Variants in KHDRBS2 observed in about 807,000 individuals in gnomAD.
The protein encoded by KHDRBS2 is KH domain-containing, RNA-binding, signal transduction-associated protein 2.
A neutral mutation model predicts 44.3 loss-of-function variants in KHDRBS2; 26 were observed. The ratio of observed to expected loss-of-function variants is 0.59; its 90% confidence interval spans 0.43 to 0.81. KHDRBS2 has a LOEUF of 0.81. Ranked by LOEUF, KHDRBS2 falls within the 40% of genes least tolerant of loss-of-function variation. KHDRBS2 has a pLI of 0.00. For missense variants in KHDRBS2, 476 were observed against 433.1 expected, an observed-to-expected ratio of 1.10 and a Z score of -0.88; for synonymous variants, 194 against 151.1, an observed-to-expected ratio of 1.28 and a Z score of -2.08.
chr6:61,688,473 G>C (rs1767048700), intron 8 of KHDRBS2, among the ~76,000 whole-genome samples: 1 of 151,850 alleles, frequency 6.6e-6, no homozygotes. Flanking sequence ...AAAAATGGTG[G>C]TATAAAGTAA....
intron 2 of KHDRBS2, among the ~76,000 whole-genome samples, chr6:62,108,660 C>A (rs1442268585): frequency 6.6e-6 from 1 of 152,206 alleles, no homozygotes; most frequent in East Asian, 1.9e-4. Context: ...ATGTTCATTG[C>A]GGCACTATTC....
At chr6:62,176,221 CAT>C (rs750789550) in intron 2 of KHDRBS2, among the ~76,000 whole-genome samples, 16 of 151,272 alleles carry the variant, frequency 1.1e-4, no homozygotes, top group African/African-American at 1.7e-4. Flanking sequence ...ATTTTAAAAA[CAT>C]ATACCTATGT....
chr6:61,752,624 T>C (rs1374451643), intron 6 of KHDRBS2, among the ~76,000 whole-genome samples: 4 of 145,872 alleles, frequency 2.7e-5, no homozygotes, highest in African/African-American at 1.0e-4. Flanking sequence ...CATGTATGTT[T>C]TGAGTCCCTG....
chr6:62,159,210 G>A (rs1265129122), intron 2 of KHDRBS2, among the ~76,000 whole-genome samples: 1 of 152,126 alleles, frequency 6.6e-6, no homozygotes, highest in African/African-American at 2.4e-5. Context: ...ACTTGAAAGT[G>A]ATTCCTGAGT....
At chr6:62,284,397 T>C (rs1041857386) in intron 1 of KHDRBS2, among the ~76,000 whole-genome samples, 5 of 152,126 alleles carry the variant, frequency 3.3e-5, no homozygotes, top group Non-Finnish European at 5.9e-5. Flanking sequence ...ATATTAAAGA[T>C]ACTGAAGACT....
intron 7 of KHDRBS2, among the ~76,000 whole-genome samples, chr6:61,708,741 A>G (rs1308435788): frequency 1.3e-5 from 2 of 151,638 alleles, no homozygotes; most frequent in African/African-American, 2.4e-5. Flanking sequence ...TAAACAGTAT[A>G]ACTTCCTGCA....
the KHDRBS2 span, among the ~76,000 whole-genome samples, chr6:61,559,079 T>G: frequency 6.6e-6 from 1 of 152,166 alleles, no homozygotes; most frequent in South Asian, 2.1e-4. Flanking sequence ...AATATTTGTT[T>G]TATATATGTG....
intron 6 of KHDRBS2, among the ~76,000 whole-genome samples, chr6:61,887,466 T>G (rs879389074): frequency 6.6e-6 from 1 of 152,154 alleles, no homozygotes; most frequent in Admixed American, 6.6e-5. Flanking sequence ...ATATTTAAAG[T>G]CTGGGTTACG....
chr6:62,230,361 A>G (rs1832704401), intron 1 of KHDRBS2, among the ~76,000 whole-genome samples: 1 of 152,230 alleles, frequency 6.6e-6, no homozygotes, highest in Non-Finnish European at 1.5e-5. Context: ...AGGCTCTCTA[A>G]ATTGATAGAA....
At chr6:62,271,988 A>G (rs1236348051) in intron 1 of KHDRBS2, among the ~76,000 whole-genome samples, 1 of 152,146 alleles carries the variant, frequency 6.6e-6, no homozygotes, top group African/African-American at 2.4e-5. Flanking sequence ...TTCACTTACC[A>G]CTATTGACTA....
intron 2 of KHDRBS2, among the ~76,000 whole-genome samples, chr6:62,052,519 T>A (rs1789292709): frequency 6.7e-6 from 1 of 149,744 alleles, no homozygotes. Flanking sequence ...GATGAACAAG[T>A]CTAGAGACAG....
intron 2 of KHDRBS2, among the ~76,000 whole-genome samples, chr6:62,148,957 A>G (rs753497063): frequency 1.4e-4 from 22 of 151,986 alleles, no homozygotes; most frequent in Non-Finnish European, 3.1e-4. Context: ...GAATGCAACC[A>G]CTTGCCTCTT....
chr6:61,813,327 G>C lies in KHDRBS2; in HGVS notation c.811-80563C>G, dbSNP rs1411696506. ...CAATACTGTGTTCAGAATTATTCTT[G>C]ATATTATACTACTAAAGGCCATTGG... On this transcript the variant is annotated intron_variant, in intron 6 of 8. Coordinates refer to ENST00000281156, the MANE Select transcript of KHDRBS2 (RefSeq NM_152688.4). Among the ~76,000 whole-genome samples the C allele has an allele frequency of 2.6e-5, 4 of 152,052 alleles. No individual in the cohort carries two copies. In the East Asian group the frequency reaches 7.7e-4, roughly 29 times the overall value.
the KHDRBS2 span, among the ~76,000 whole-genome samples, chr6:61,662,297 A>G: frequency 5.9e-5 from 9 of 152,256 alleles, no homozygotes; most frequent in Non-Finnish European, 7.4e-5. Context: ...TAAAAACCCT[A>G]GAAGAAAACC....
the KHDRBS2 span, among the ~76,000 whole-genome samples, chr6:61,638,122 C>T: frequency 6.6e-6 from 1 of 152,146 alleles, no homozygotes; most frequent in East Asian, 1.9e-4. Flanking sequence ...CATCAAGCTA[C>T]CAATGACTTT....
At chr6:61,546,841 T>C in the KHDRBS2 span, among the ~76,000 whole-genome samples, 2 of 152,280 alleles carry the variant, frequency 1.3e-5, no homozygotes, top group South Asian at 4.1e-4. Flanking sequence ...TGCATTTGTA[T>C]GATTATTATA....
At chr6:61,888,406 T>C (rs1412564173) in intron 6 of KHDRBS2, among the ~76,000 whole-genome samples, 1 of 152,118 alleles carries the variant, frequency 6.6e-6, no homozygotes, top group Admixed American at 6.5e-5. Context: ...CATAAAAACA[T>C]GGCAGCCCTG....
At chr6:61,890,095 T>C (rs1583349642) in intron 6 of KHDRBS2, among the ~76,000 whole-genome samples, 1 of 152,326 alleles carries the variant, frequency 6.6e-6, no homozygotes, top group East Asian at 1.9e-4. Context: ...ATATGTTTAT[T>C]TTCTGTCTCT....
At chr6:61,818,985 C>A (rs1331966878) in intron 6 of KHDRBS2, among the ~76,000 whole-genome samples, 1 of 151,936 alleles carries the variant, frequency 6.6e-6, no homozygotes, top group Non-Finnish European at 1.5e-5. Context: ...TCGGGAAAAT[C>A]TATAATACCC....
Sources: gnomAD v4.1 joint callset for allele counts (sites outside exome capture counted in the v4.1 genomes callset) on GRCh38, gnomAD v4.1.1 for gene constraint, MANE v1.5 for transcripts, NCBI Gene and HGNC (gene_info 2026-07-23, HGNC 2026-07-21) for gene names.